Variants in SH3BGR observed in about 807,000 individuals in gnomAD.
SH3BGR encodes the protein SH3 domain binding glutamate rich protein.
In SH3BGR, 29 loss-of-function variants were observed where a neutral mutation model predicts 24.5. The observed-to-expected ratio is 1.18, with a 90% CI of 0.88 to 1.61. The LOEUF (loss-of-function observed/expected upper bound fraction) is 1.61. Among genes scored for constraint, SH3BGR ranks in the 40% most tolerant of loss-of-function variants. The pLI is 0.00. For synonymous variants in SH3BGR, 55 were observed against 65.7 expected, an observed-to-expected ratio of 0.84 and a Z score of 0.79; for missense variants, 162 against 205.8, an observed-to-expected ratio of 0.79 and a Z score of 1.30.
intron 3 of SH3BGR, among the ~76,000 whole-genome samples, chr21:39,486,403 A>G (rs1031596548): frequency 3.3e-5 from 5 of 152,220 alleles, no homozygotes; most frequent in African/African-American, 9.6e-5. Context: ...CTAATTTACA[A>G]CAATAAGTGG....
chr21:39,471,186 A>G (rs1387708255), intron 2 of SH3BGR, among the ~76,000 whole-genome samples: 1 of 151,346 alleles, frequency 6.6e-6, no homozygotes, highest in African/African-American at 2.4e-5. Flanking sequence ...ATATTTCTCT[A>G]CGATGTGTCT....
At chr21:39,461,917 C>T (rs1326140484) in intron 1 of SH3BGR, among the ~76,000 whole-genome samples, 2 of 151,890 alleles carry the variant, frequency 1.3e-5, no homozygotes, top group Admixed American at 6.6e-5. Context: ...GGCATGATCT[C>T]GGCTCACTGC....
At chr21:39,488,167 A>G (rs1050698733) in intron 3 of SH3BGR, among the ~76,000 whole-genome samples, 2 of 152,210 alleles carry the variant, frequency 1.3e-5, no homozygotes, top group Non-Finnish European at 2.9e-5. Flanking sequence ...AATTTTGACT[A>G]AGCCCACTGG....
At position 39,493,781 on chromosome 21, in the gene SH3BGR, A is replaced by G. The variant is rs8134272; in HGVS notation, c.313-6042A>G. On this transcript the variant is annotated intron_variant, in intron 3 of 6. Transcript: ENST00000333634. ...GTATTTCCATTTGTTTGTGTCGTCT[A>G]TGATTTCTTTCAGCAGTTTTGTAAT... Among the ~76,000 whole-genome samples the G allele has an allele frequency of 3.3e-3, 510 of 152,260 alleles. 3 individuals are homozygous for G. The highest frequency in any genetic ancestry group is 0.011 in the African/African-American group (461 of 41,564).
chr21:39,455,374 G>C (rs1488769113), intron 1 of SH3BGR, among the ~76,000 whole-genome samples: 4 of 152,224 alleles, frequency 2.6e-5, no homozygotes, highest in Non-Finnish European at 5.9e-5. Context: ...GTGCAGCCTG[G>C]GGGGCCAGCA....
At chr21:39,458,280 A>G (rs1292253534) in intron 1 of SH3BGR, among the ~76,000 whole-genome samples, 1 of 152,090 alleles carries the variant, frequency 6.6e-6, no homozygotes, top group Non-Finnish European at 1.5e-5. Context: ...AAAAATTGAG[A>G]TATTAGATAC....
At chr21:39,455,111 G>A (rs963167319) in intron 1 of SH3BGR, among the ~76,000 whole-genome samples, 11 of 152,194 alleles carry the variant, frequency 7.2e-5, no homozygotes. Flanking sequence ...TCTCCTAACT[G>A]TACAAGACAA....
intron 3 of SH3BGR, among the ~76,000 whole-genome samples, chr21:39,477,384 C>G (rs1244893558): frequency 6.6e-6 from 1 of 152,184 alleles, no homozygotes; most frequent in Non-Finnish European, 1.5e-5. Context: ...TGTCCTCCTG[C>G]CTCAGCTTTC....
At chr21:39,507,072 G>C (rs978466442) in intron 4 of SH3BGR, among the ~76,000 whole-genome samples, 10 of 152,160 alleles carry the variant, frequency 6.6e-5, no homozygotes, top group African/African-American at 2.4e-4. Flanking sequence ...ACAAGTGCCA[G>C]ACTCTTCTCC....
chr21:39,497,392 CT>C (rs1427742917), intron 3 of SH3BGR, among the ~76,000 whole-genome samples: 2 of 151,312 alleles, frequency 1.3e-5, no homozygotes, highest in African/African-American at 4.8e-5. Context: ...GATTAAAGCT[CT>C]AGATATTAAT....
chr21:39,452,192 G>A lies in SH3BGR; in HGVS notation c.45+51G>A, dbSNP rs558412803. 7.3e-5 allele frequency: 118 copies of A among 1,610,548 alleles called. 2 individuals carry two copies. Among genetic ancestry groups the A allele is most frequent in the East Asian group, 1.8e-4 (8 of 44,886 alleles). ...CCTATACTCTTTTCTGAATAACTTA[G>A]GGTTGGAAATATGGCCAACGTTGGC... On this transcript the variant is annotated intron_variant, in intron 1 of 6. Coordinates refer to ENST00000333634, the MANE Select transcript of SH3BGR (RefSeq NM_007341.3).
chr21:39,490,927 C>T (rs1481652566), intron 3 of SH3BGR, among the ~76,000 whole-genome samples: 1 of 151,844 alleles, frequency 6.6e-6, no homozygotes, highest in Non-Finnish European at 1.5e-5. Flanking sequence ...GAGAGAGGGT[C>T]CTACTAGTTG....
intron 6 of SH3BGR, among the ~76,000 whole-genome samples, chr21:39,514,187 AG>A (rs1405164116): frequency 6.6e-6 from 1 of 152,190 alleles, no homozygotes; most frequent in East Asian, 1.9e-4. Flanking sequence ...TGATGCAGTC[AG>A]GTATTCTGCA....
intron 2 of SH3BGR, among the ~76,000 whole-genome samples, chr21:39,467,826 C>T (rs1447192157): frequency 6.6e-6 from 1 of 152,176 alleles, no homozygotes; most frequent in East Asian, 1.9e-4. Context: ...CAGTGCCTTC[C>T]TGCCCCTGCC....
At chr21:39,514,107 A>G (rs572624340) in intron 6 of SH3BGR, among the ~76,000 whole-genome samples, 1 of 152,294 alleles carries the variant, frequency 6.6e-6, no homozygotes, top group African/African-American at 2.4e-5. Flanking sequence ...GAAGGAGTAA[A>G]CCAGGCAGCA....
intron 1 of SH3BGR, among the ~76,000 whole-genome samples, chr21:39,459,658 C>T (rs2077722710): frequency 2.0e-5 from 3 of 152,054 alleles, no homozygotes; most frequent in Admixed American, 2.0e-4. Flanking sequence ...TCTTGAGTAG[C>T]TGGGACTACA....
chr21:39,502,064 T>A (rs2123511510), intron 4 of SH3BGR, among the ~76,000 whole-genome samples: 1 of 152,296 alleles, frequency 6.6e-6, no homozygotes, highest in Middle Eastern at 3.4e-3. Flanking sequence ...TCCCAGCTAT[T>A]TGGGAAGCTG....
In SH3BGR at chr21:39,462,564, A is replaced by G; in HGVS notation, c.231+4A>G. 1 of 1,529,456 alleles carries G rather than the reference A, an allele frequency of 6.5e-7. No homozygotes were observed. Among genetic ancestry groups the G allele is most frequent in the Non-Finnish European group, 8.7e-7 (1 of 1,146,270 alleles). 94.7% of individuals were successfully genotyped at this position (1,529,456 alleles called of 1,614,324 possible). On this transcript the variant is annotated splice_donor_region_variant and intron_variant, in intron 2 of 6. Transcript: ENST00000333634. The stretch of plus-strand genomic sequence containing the variant: ...CAATGAGGAGCAGTACTGTGGGGTG[A>G]GTATGTGCTTCTATTAAAAATCCTG...
intron 4 of SH3BGR, among the ~76,000 whole-genome samples, chr21:39,507,088 A>G (rs924339348): frequency 4.6e-5 from 7 of 152,310 alleles, no homozygotes; most frequent in Middle Eastern, 6.8e-3. Flanking sequence ...TCTCCTGCAC[A>G]TTATTTGAGC....
Sources: allele counts gnomAD v4.1 joint callset (sites outside exome capture counted in the v4.1 genomes callset), GRCh38; gene constraint gnomAD v4.1.1; transcripts MANE v1.5; gene names NCBI Gene and HGNC (gene_info 2026-07-23, HGNC 2026-07-21).